The following COL5A2 variants were observed in gnomAD, a reference collection of about 807,000 sequenced individuals.
COL5A2 encodes collagen alpha-2(V) chain.
COL5A2 carries 23 observed loss-of-function variants against 208.2 expected under a neutral mutation model. That is an observed-to-expected ratio of 0.11 (90% CI 0.08 to 0.16). The LOEUF is 0.16. COL5A2 is among the 10% of genes least tolerant of loss of function. The probability of loss-of-function intolerance (pLI) is 1.00; values close to 1 mark genes in which losing one functional copy is unlikely to be tolerated. For synonymous variants in COL5A2, 625 were observed against 628.5 expected (o/e 0.99, Z 0.08); for missense variants, 1,590 against 1,956.4 (o/e 0.81, Z 3.53).
Position 189,041,652 on chromosome 2 carries a change from G to T in COL5A2, c.3567C>A (p.Asn1189Lys), listed in dbSNP as rs745845130. 6.6e-5 allele frequency: 106 copies of T among 1,613,964 alleles called. No homozygotes were observed. Among genetic ancestry groups the T allele is most frequent in the Non-Finnish European group, 8.0e-5 (94 of 1,179,968 alleles). ...GTCCAATTGGCCCAAGTGGCCCAGGGTTTCCTTCTTTACCTGAAGGACCAA... is the reference window on the plus strand; with the variant it reads ...GTCCAATTGGCCCAAGTGGCCCAGGTTTTCCTTCTTTACCTGAAGGACCAA... ...GPVGPSGKEGNPGPLGPIGPP... is the reference protein window; with the variant it reads ...GPVGPSGKEGKPGPLGPIGPP... The change falls in exon 50 of 54, where the codon AAC (asparagine) becomes AAA (lysine). Residue 1189 changes from asparagine (N) to lysine (K), a missense_variant. Transcript: ENST00000374866.
the COL5A2 span, among the ~76,000 whole-genome samples, chr2:189,290,314 T>A: frequency 6.6e-6 from 1 of 152,154 alleles, no homozygotes; most frequent in African/African-American, 2.4e-5. Flanking sequence ...AATGTCTCCA[T>A]CCTTAAGCAA....
At chr2:189,165,781 C>A (rs1366542580) in intron 1 of COL5A2, among the ~76,000 whole-genome samples, 1 of 152,150 alleles carries the variant, frequency 6.6e-6, no homozygotes, top group Non-Finnish European at 1.5e-5. Flanking sequence ...GTAAAAAGCT[C>A]TATATGTAGA....
the COL5A2 span, among the ~76,000 whole-genome samples, chr2:189,352,748 C>T: frequency 6.6e-6 from 1 of 152,176 alleles, no homozygotes; most frequent in Non-Finnish European, 1.5e-5. Context: ...TGCCTGTTCA[C>T]TCTGATGATA....
chr2:189,179,446 C>T, intron 1 of COL5A2, 62 bp downstream of exon 1: 1 of 1,558,646 alleles, frequency 6.4e-7, no homozygotes. Flanking sequence ...TGAGGCTTAA[C>T]ATTCCACCTA....
In COL5A2 at chr2:189,052,036, C is replaced by T. The variant is rs1035065403; in HGVS notation, c.2769+136G>A. The T allele has an allele frequency of 9.2e-6, 6 of 655,586 alleles. No homozygotes were observed. The Admixed American group carries it at 1.3e-4, about 14-fold the overall frequency. 40.6% of individuals were successfully genotyped at this position (655,586 alleles called of 1,614,324 possible). On this transcript the variant is annotated intron_variant, in intron 41 of 53. Coordinates refer to ENST00000374866, the MANE Select transcript of COL5A2 (RefSeq NM_000393.5). ...TTTGCTTTGCTGAAATACCAGCATG[C>T]ATTATTGGAATAAGAGTTGTTAAAT...
chr2:189,156,300 C>G (rs1688245689), intron 1 of COL5A2, among the ~76,000 whole-genome samples: 1 of 152,032 alleles, frequency 6.6e-6, no homozygotes, highest in Non-Finnish European at 1.5e-5. Context: ...CTCAGAATGA[C>G]AACATTGCCC....
At chr2:189,366,627 G>C in the COL5A2 span, among the ~76,000 whole-genome samples, 4 of 151,872 alleles carry the variant, frequency 2.6e-5, no homozygotes, top group Non-Finnish European at 5.9e-5. Context: ...GTGCATGTGG[G>C]TGTGCTTGTG....
At chr2:189,063,660 T>C (rs1384176000) in intron 26 of COL5A2, among the ~76,000 whole-genome samples, 7 of 152,120 alleles carry the variant, frequency 4.6e-5, no homozygotes, top group Admixed American at 3.3e-4. Flanking sequence ...CTTAAACATA[T>C]AAAATTAGAA....
the COL5A2 span, among the ~76,000 whole-genome samples, chr2:189,398,856 CTAGT>C: frequency 1.3e-5 from 2 of 152,116 alleles, no homozygotes; most frequent in African/African-American, 2.4e-5. Context: ...TCTCTATTCA[CTAGT>C]TAGTTACACA....
intron 1 of COL5A2, among the ~76,000 whole-genome samples, chr2:189,172,968 CTT>C (rs11286911): frequency 0.01 from 1,004 of 96,520 alleles, 1 homozygote; most frequent in Non-Finnish European, 0.016. Context: ...TTTTCCTCTT[CTT>C]TTTTTTTTTT....
At chr2:189,297,742 T>C in the COL5A2 span, among the ~76,000 whole-genome samples, 1 of 152,140 alleles carries the variant, frequency 6.6e-6, no homozygotes, top group Non-Finnish European at 1.5e-5. Context: ...TGAAGTGAAG[T>C]AGAGGTGGCC....
chr2:189,281,696 T>C, the COL5A2 span, among the ~76,000 whole-genome samples: 22 of 152,310 alleles, frequency 1.4e-4, no homozygotes, highest in South Asian at 3.1e-3. Flanking sequence ...AAATATTTAC[T>C]GTGTACTACA....
At chr2:189,269,167 G>A in the COL5A2 span, among the ~76,000 whole-genome samples, 1 of 151,968 alleles carries the variant, frequency 6.6e-6, no homozygotes, top group Non-Finnish European at 1.5e-5. Flanking sequence ...ATTTTCCCTT[G>A]TATGGAAAAA....
intron 9 of COL5A2, 126 bp from the exon 10 acceptor site, chr2:189,085,898 G>T: frequency 2.7e-6 from 2 of 741,132 alleles, no homozygotes; most frequent in East Asian, 5.5e-5. Context: ...GTGTGACTTT[G>T]GGCAAGTTAC....
chr2:189,426,034 A>G, the COL5A2 span, among the ~76,000 whole-genome samples: 1 of 152,206 alleles, frequency 6.6e-6, no homozygotes, highest in Non-Finnish European at 1.5e-5. Flanking sequence ...TTGGTATTCA[A>G]GAGTGAGGCA....
intron 6 of COL5A2, among the ~76,000 whole-genome samples, chr2:189,092,727 TTTGA>T (rs1686814711): frequency 1.3e-5 from 2 of 152,182 alleles, no homozygotes; most frequent in Admixed American, 6.5e-5. Flanking sequence ...AACTTCCTTA[TTTGA>T]TTGAGTTTTT....
chr2:189,152,665 G>C (rs955565857), intron 1 of COL5A2, among the ~76,000 whole-genome samples: 4 of 152,172 alleles, frequency 2.6e-5, no homozygotes, highest in Non-Finnish European at 4.4e-5. Context: ...TCCCGCAGAG[G>C]CTGGCTTTTT....
chr2:189,098,910 A>C, intron 4 of COL5A2, 151 bp from the exon 5 acceptor site: 1 of 638,772 alleles, frequency 1.6e-6, no homozygotes. Flanking sequence ...CCTCTCCTTA[A>C]GATTTAAGAT....
Position 189,211,094 on chromosome 2 carries a change from G to A in COL5A2, c.-42+14054C>T, listed in dbSNP as rs546480109. Among the ~76,000 whole-genome samples, 288 of 152,270 alleles carry A rather than the reference G, an allele frequency of 1.9e-3. 1 individual carries two copies. The highest frequency in any genetic ancestry group is 6.5e-3 in the African/African-American group (269 of 41,564). On this transcript the variant is annotated intron_variant, in intron 1 of 10. Coordinates refer to the COL5A2 transcript ENST00000649966. ...TTTTTCTAAGTATGTGAATTATTGTGAGGCTCAAATCATATAAGCGAAAGA... is the reference window on the plus strand; with the variant it reads ...TTTTTCTAAGTATGTGAATTATTGTAAGGCTCAAATCATATAAGCGAAAGA...
Sources: gnomAD v4.1 joint callset for allele counts (sites outside exome capture counted in the v4.1 genomes callset) on GRCh38, gnomAD v4.1.1 for gene constraint, MANE v1.5 for transcripts, NCBI Gene and HGNC (gene_info 2026-07-23, HGNC 2026-07-21) for gene names.